Variants in SYT2 observed in about 807,000 individuals in gnomAD.
SYT2 encodes the protein synaptotagmin-2.
In SYT2, 15 loss-of-function variants were observed where a neutral mutation model predicts 39.9. The ratio of observed to expected loss-of-function variants is 0.38; its 90% CI spans 0.25 to 0.58. The LOEUF (loss-of-function observed/expected upper bound fraction) is 0.58, where lower values mean the gene tolerates loss of function less well. SYT2 is among the 20% of genes least tolerant of loss of function. The pLI, the probability that SYT2 is intolerant of heterozygous loss-of-function variation, is 0.70. For missense variants in SYT2, 389 were observed against 530.3 expected (o/e 0.73, Z 2.62); for synonymous variants, 181 against 204.5 (o/e 0.89, Z 0.98).
intron 1 of SYT2, among the ~76,000 whole-genome samples, chr1:202,652,393 G>C (rs1218753530): frequency 3.3e-5 from 5 of 152,212 alleles, no homozygotes; most frequent in Non-Finnish European, 7.3e-5. Flanking sequence ...TCATCTCTCA[G>C]CTCCTCCTTT....
intron 1 of SYT2, among the ~76,000 whole-genome samples, chr1:202,691,730 GGGGAGAGAGAGAGAGAGAGA>G (rs1653835389): frequency 1.4e-4 from 2 of 13,818 alleles, no homozygotes; most frequent in African/African-American, 4.0e-4. Context: ...AGGGAGAGGG[GGGGAGAGAGAGAGAGAGAGA>G]GAGAGAGAGA....
At chr1:202,645,077 G>A (rs1001860921) in intron 1 of SYT2, among the ~76,000 whole-genome samples, 8 of 152,274 alleles carry the variant, frequency 5.3e-5, no homozygotes, top group African/African-American at 1.9e-4. Context: ...TTCATGTGTG[G>A]GCTGGGGGAG....
chr1:202,629,506 CAG>C (rs1331959016), intron 1 of SYT2, among the ~76,000 whole-genome samples: 1 of 152,218 alleles, frequency 6.6e-6, no homozygotes, highest in East Asian at 1.9e-4. Flanking sequence ...CAGAAGTCAG[CAG>C]AGTCTAGCTG....
intron 1 of SYT2, among the ~76,000 whole-genome samples, chr1:202,688,342 T>C (rs1321595925): frequency 6.6e-6 from 1 of 152,192 alleles, no homozygotes; most frequent in Non-Finnish European, 1.5e-5. Flanking sequence ...TTAGCAGTGA[T>C]GGCCCTGTCG....
chr1:202,701,968 C>T (rs921557789), intron 1 of SYT2, among the ~76,000 whole-genome samples: 2 of 152,204 alleles, frequency 1.3e-5, no homozygotes, highest in African/African-American at 4.8e-5. Context: ...CCCAGCCACA[C>T]ACACGCTGCT....
intron 1 of SYT2, among the ~76,000 whole-genome samples, chr1:202,647,683 C>T (rs1043409181): frequency 1.3e-5 from 2 of 152,196 alleles, no homozygotes; most frequent in South Asian, 4.1e-4. Context: ...CCACTTCAGA[C>T]CTGTCCAAAC....
At chr1:202,645,458 G>A (rs1692061075) in intron 1 of SYT2, among the ~76,000 whole-genome samples, 1 of 152,202 alleles carries the variant, frequency 6.6e-6, no homozygotes, top group Non-Finnish European at 1.5e-5. Context: ...GGGGTTTCCT[G>A]ATGCTAAGGG....
intron 1 of SYT2, among the ~76,000 whole-genome samples, chr1:202,646,616 C>T (rs1319677348): frequency 1.3e-5 from 2 of 152,222 alleles, no homozygotes; most frequent in African/African-American, 4.8e-5. Context: ...CTCTACGCCT[C>T]AACTTTCTCA....
chr1:202,652,768 GA>G (rs1558449463), intron 1 of SYT2, among the ~76,000 whole-genome samples: 1 of 152,222 alleles, frequency 6.6e-6, no homozygotes, highest in Non-Finnish European at 1.5e-5. Flanking sequence ...ATCAGACCCA[GA>G]AACGTGGCTC....
intron 1 of SYT2, among the ~76,000 whole-genome samples, chr1:202,667,697 AT>A (rs932008149): frequency 1.3e-5 from 2 of 151,728 alleles, no homozygotes; most frequent in Non-Finnish European, 2.9e-5. Context: ...ATTTTCTTTT[AT>A]TTTTATTTTA....
chr1:202,644,737 G>T (rs1283702147), intron 1 of SYT2, among the ~76,000 whole-genome samples: 2 of 152,118 alleles, frequency 1.3e-5, no homozygotes, highest in Non-Finnish European at 2.9e-5. Context: ...GTTGGGGGGG[G>T]CAGTCACTCA....
At chr1:202,640,155 A>G (rs1420526608) in intron 1 of SYT2, among the ~76,000 whole-genome samples, 4 of 152,314 alleles carry the variant, frequency 2.6e-5, no homozygotes, top group South Asian at 2.1e-4. Context: ...AGGGGAGGTC[A>G]TCGCCTCTCC....
At position 202,592,892 on chromosome 1, in the gene SYT2, A is replaced by G. The variant is rs1210655935; in HGVS notation, c.*3865T>C. 6.6e-6 allele frequency: 1 copy of G among 152,222 alleles called. No homozygotes were observed. The highest frequency in any genetic ancestry group is 1.5e-5 in the Non-Finnish European group (1 of 68,030). The allele number at this position is 152,222 out of a possible 1,614,324, so 9.4% of individuals were successfully genotyped here. On this transcript the variant is annotated 3_prime_UTR_variant, in exon 9 of 9. Transcript: ENST00000367268. ...CAAATTATTTTTTAGTATATGTCCC[A>G]ACTATTTGCCTAGGACATATTTACA...
chr1:202,691,725 GA>G (rs1452481570), intron 1 of SYT2, among the ~76,000 whole-genome samples: 24 of 16,362 alleles, frequency 1.5e-3, no homozygotes, highest in African/African-American at 4.3e-3. Flanking sequence ...GGGAGAGGGA[GA>G]GGGGGGGAGA....
chr1:202,665,766 C>T (rs1268145988), intron 1 of SYT2, among the ~76,000 whole-genome samples: 1 of 152,154 alleles, frequency 6.6e-6, no homozygotes, highest in Non-Finnish European at 1.5e-5. Flanking sequence ...CATTGGTCAT[C>T]AGTGAAATGT....
intron 1 of SYT2, among the ~76,000 whole-genome samples, chr1:202,703,954 T>G (rs1170260064): frequency 1.3e-5 from 2 of 152,208 alleles, no homozygotes; most frequent in African/African-American, 4.8e-5. Context: ...ATCAACCCAA[T>G]TATGGCAAGT....
At position 202,706,872 on chromosome 1, in the gene SYT2, T is replaced by A. The variant is rs139263081; in HGVS notation, c.-18+3386A>T. Among the ~76,000 whole-genome samples the A allele has an allele frequency of 2.0e-5, 3 of 152,342 alleles. No individual in the cohort carries two copies. In the East Asian group the frequency reaches 5.8e-4, roughly 29 times the overall value. On this transcript the variant is annotated intron_variant, in intron 1 of 8. Coordinates refer to ENST00000367268, the MANE Select transcript of SYT2 (RefSeq NM_177402.5). ...CTACTTCTAAAATAACACGAATAGT[T>A]ATCAGTTCTACAATACTACCCTGAG...
At chr1:202,655,737 GCTGAGGGAGGGT>G (rs1210197624) in intron 1 of SYT2, among the ~76,000 whole-genome samples, 1 of 152,196 alleles carries the variant, frequency 6.6e-6, no homozygotes, top group African/African-American at 2.4e-5. Flanking sequence ...CGCTTGCGAG[GCTGAGGGAGGGT>G]CTGAGGGACA....
intron 1 of SYT2, among the ~76,000 whole-genome samples, chr1:202,686,230 T>C (rs1041259666): frequency 1.3e-5 from 2 of 152,198 alleles, no homozygotes; most frequent in Admixed American, 6.5e-5. Context: ...GCTGTCCCCA[T>C]GCTTTCTGTA....
Sources: allele counts gnomAD v4.1 joint callset (sites outside exome capture counted in the v4.1 genomes callset), GRCh38; gene constraint gnomAD v4.1.1; transcripts MANE v1.5; gene names NCBI Gene and HGNC (gene_info 2026-07-23, HGNC 2026-07-21).